SGMS1: variants seen among roughly 807,000 people sequenced by gnomAD.
The protein encoded by SGMS1 is phosphatidylcholine:ceramide cholinephosphotransferase 1.
In SGMS1, 13 loss-of-function variants were observed where a neutral mutation model predicts 46.2. The ratio of observed to expected loss-of-function variants is 0.28; its 90% CI spans 0.18 to 0.45. SGMS1 has a LOEUF of 0.45. Ranked by LOEUF, SGMS1 falls within the 20% of genes least tolerant of loss-of-function variation. The pLI is 1.00. For synonymous variants in SGMS1, 203 were observed against 187.8 expected (o/e 1.08, Z -0.66); for missense variants, 324 against 519.9 (o/e 0.62, Z 3.66).
At chr10:50,624,560 T>A, upstream of SGMS1, 2 of 981,854 alleles carry the variant, frequency 2.0e-6, no homozygotes, top group Non-Finnish European at 2.4e-6. Flanking sequence ...CCGCGCGAGG[T>A]GAAAACTCCG....
chr10:50,588,727 T>TC (rs1442654563), intron 2 of SGMS1, among the ~76,000 whole-genome samples: 1 of 141,342 alleles, frequency 7.1e-6, no homozygotes, highest in Non-Finnish European at 1.5e-5. Flanking sequence ...TCTAATTTTT[T>TC]TTTTTTTTTT....
At chr10:50,587,382 T>G (rs1426348485) in intron 2 of SGMS1, among the ~76,000 whole-genome samples, 1 of 152,184 alleles carries the variant, frequency 6.6e-6, no homozygotes, top group Non-Finnish European at 1.5e-5. Flanking sequence ...CGCCTATAAT[T>G]CCACCACTTT....
At position 50,474,704 on chromosome 10, in the gene SGMS1, T is replaced by C. The variant is rs1484073313; in HGVS notation, c.-497-7772A>G. On this transcript the variant is annotated intron_variant, in intron 3 of 10. Coordinates refer to ENST00000361781, the MANE Select transcript of SGMS1 (RefSeq NM_147156.4). ...ATTTTTCATTTAAAATATTTACTTA[T>C]ACTCAATGCCCTGCCTCTCCCTTAA... Among the ~76,000 whole-genome samples, 3 of 152,152 alleles carry C rather than the reference T, an allele frequency of 2.0e-5. No individual in the cohort carries two copies. In the East Asian group the frequency reaches 5.8e-4, roughly 29 times the overall value.
intron 6 of SGMS1, among the ~76,000 whole-genome samples, chr10:50,405,830 G>A (rs1293914992): frequency 6.6e-6 from 1 of 152,160 alleles, no homozygotes; most frequent in Non-Finnish European, 1.5e-5. Context: ...TTTCAAAAAT[G>A]TGGCTCCAAC....
intron 8 of SGMS1, among the ~76,000 whole-genome samples, chr10:50,318,021 C>T (rs887835180): frequency 3.3e-5 from 5 of 152,104 alleles, no homozygotes; most frequent in Admixed American, 3.3e-4. Context: ...CCAGGCTGGT[C>T]TCAAACTCCT....
At chr10:50,405,019 C>T (rs769025771) in intron 6 of SGMS1, among the ~76,000 whole-genome samples, 25 of 151,912 alleles carry the variant, frequency 1.6e-4, no homozygotes, top group Non-Finnish European at 2.1e-4. Context: ...GCAAGATAGA[C>T]GCAGATATGT....
intron 6 of SGMS1, among the ~76,000 whole-genome samples, chr10:50,383,433 T>C (rs1012314794): frequency 7.9e-5 from 12 of 152,166 alleles, no homozygotes; most frequent in South Asian, 2.1e-4. Flanking sequence ...AAACTATCAA[T>C]CTTTTAATAA....
At chr10:50,402,712 CT>C (rs1402832360) in intron 6 of SGMS1, among the ~76,000 whole-genome samples, 1 of 151,160 alleles carries the variant, frequency 6.6e-6, no homozygotes, top group Admixed American at 6.6e-5. Context: ...CATTTGTATA[CT>C]CAATTTTTGT....
intron 6 of SGMS1, among the ~76,000 whole-genome samples, chr10:50,409,349 T>C (rs1044175497): frequency 1.3e-5 from 2 of 152,242 alleles, no homozygotes; most frequent in Admixed American, 1.3e-4. Context: ...TTATTCTAAC[T>C]GGATGTTTCT....
At chr10:50,324,056 G>A (rs1406485814) in intron 8 of SGMS1, among the ~76,000 whole-genome samples, 1 of 152,088 alleles carries the variant, frequency 6.6e-6, no homozygotes, top group Non-Finnish European at 1.5e-5. Context: ...AAGAGTCTAG[G>A]GGTTGAAGCA....
chr10:50,601,429 G>A (rs186721738), intron 1 of SGMS1, among the ~76,000 whole-genome samples: 22 of 152,314 alleles, frequency 1.4e-4, no homozygotes, highest in Non-Finnish European at 2.9e-4. Flanking sequence ...TCATTTAGCT[G>A]CCTGTTTCAA....
intron 3 of SGMS1, among the ~76,000 whole-genome samples, chr10:50,467,929 A>G (rs1837345104): frequency 6.6e-6 from 1 of 152,198 alleles, no homozygotes; most frequent in South Asian, 2.1e-4. Context: ...GCAGTTTATG[A>G]TAGAAACAGA....
chr10:50,454,080 A>G (rs1247310867), intron 5 of SGMS1, among the ~76,000 whole-genome samples: 2 of 151,210 alleles, frequency 1.3e-5, no homozygotes, highest in Non-Finnish European at 3.0e-5. Flanking sequence ...GAAAGAAAGA[A>G]AGAAATGAGT....
At chr10:50,613,397 T>G (rs1838768017) in intron 1 of SGMS1, among the ~76,000 whole-genome samples, 1 of 152,222 alleles carries the variant, frequency 6.6e-6, no homozygotes, top group Non-Finnish European at 1.5e-5. Flanking sequence ...CGCACTCATC[T>G]CTGTATCTCA....
rs145631379 is a variant in SGMS1 at position 50,407,647 on chromosome 10, T to A, written c.-232+25829A>T. Among the ~76,000 whole-genome samples the A allele has an allele frequency of 1.1e-4, 16 of 152,268 alleles. No homozygotes were observed. The East Asian group carries it at 2.5e-3, about 24-fold the overall frequency. ...CCGCCGTAAATAAGAGTGGCTTTTT[T>A]TTCCCCCTGCTAAGCTCTGACTAAC... On this transcript the variant is annotated intron_variant, in intron 6 of 10. Coordinates refer to ENST00000361781, the MANE Select transcript of SGMS1 (RefSeq NM_147156.4).
chr10:50,367,548 T>C (rs1419828440), intron 6 of SGMS1, among the ~76,000 whole-genome samples: 2 of 152,252 alleles, frequency 1.3e-5, no homozygotes, highest in East Asian at 1.9e-4. Context: ...GCTGGTCTCC[T>C]GGAGGTAAAA....
chr10:50,595,114 G>C (rs1838578342), intron 1 of SGMS1, among the ~76,000 whole-genome samples: 1 of 152,020 alleles, frequency 6.6e-6, no homozygotes, highest in Non-Finnish European at 1.5e-5. Context: ...GATGATAGTA[G>C]CTACCAGTTA....
At chr10:50,310,689 G>T (rs1167614935) in intron 9 of SGMS1, among the ~76,000 whole-genome samples, 1 of 152,114 alleles carries the variant, frequency 6.6e-6, no homozygotes, top group Non-Finnish European at 1.5e-5. Context: ...TATTAAATCT[G>T]AGCCATGTAT....
intron 3 of SGMS1, among the ~76,000 whole-genome samples, chr10:50,511,738 AAAGTGGGGACACAGT>A (rs1837757291): frequency 6.6e-6 from 1 of 152,172 alleles, no homozygotes; most frequent in South Asian, 2.1e-4. Flanking sequence ...ATCTTATCAG[AAAGTGGGGACACAGT>A]AATCCATCAC....
Sources: gnomAD v4.1 joint callset for allele counts (sites outside exome capture counted in the v4.1 genomes callset) on GRCh38, gnomAD v4.1.1 for gene constraint, MANE v1.5 for transcripts, NCBI Gene and HGNC (gene_info 2026-07-23, HGNC 2026-07-21) for gene names.